Variants in DAB1 observed in about 807,000 individuals in gnomAD.
DAB1 encodes the protein DAB adaptor protein 1.
Under a neutral mutation model 64.6 loss-of-function variants are expected in DAB1, and 15 were observed. The ratio of observed to expected loss-of-function variants is 0.23; its 90% CI spans 0.16 to 0.36. DAB1 has a LOEUF of 0.36. DAB1 is among the 10% of genes least tolerant of loss of function. The probability of loss-of-function intolerance (pLI) is 1.00; values close to 1 mark genes in which losing one functional copy is unlikely to be tolerated. For missense variants in DAB1, 596 were observed against 706.7 expected, an observed-to-expected ratio of 0.84 and a Z score of 1.78; for synonymous variants, 235 against 251.9, an observed-to-expected ratio of 0.93 and a Z score of 0.64.
intron 6 of DAB1, among the ~76,000 whole-genome samples, chr1:57,657,395 A>G (rs757152835): frequency 6.6e-6 from 1 of 152,178 alleles, no homozygotes; most frequent in Non-Finnish European, 1.5e-5. Flanking sequence ...GGAACCAATC[A>G]CAGTACGGAG....
At chr1:57,177,765 G>A (rs1037770764) in intron 2 of DAB1, among the ~76,000 whole-genome samples, 3 of 152,002 alleles carry the variant, frequency 2.0e-5, no homozygotes, top group Non-Finnish European at 2.9e-5. Flanking sequence ...CAAAGTACAG[G>A]CCATTTCTAG....
At chr1:57,790,629 G>T (rs187055046) in intron 6 of DAB1, among the ~76,000 whole-genome samples, 1 of 152,296 alleles carries the variant, frequency 6.6e-6, no homozygotes. Context: ...CAGCACAGAG[G>T]AGGGGCAGGT....
intron 7 of DAB1, among the ~76,000 whole-genome samples, chr1:57,504,381 G>A (rs1238095508): frequency 6.6e-6 from 1 of 151,964 alleles, no homozygotes; most frequent in Non-Finnish European, 1.5e-5. Context: ...ACACACACAT[G>A]CACACACACA....
At chr1:58,049,457 C>T (rs76698335) in intron 5 of DAB1, 6,276 of 277,568 alleles carry the variant, frequency 0.023, 260 homozygotes, top group African/African-American at 0.1. Flanking sequence ...TTCTATGGGG[C>T]CTTCTGCATC....
At chr1:57,361,333 G>T (rs1041377590) in intron 1 of DAB1, among the ~76,000 whole-genome samples, 1 of 151,994 alleles carries the variant, frequency 6.6e-6, no homozygotes, top group Non-Finnish European at 1.5e-5. Flanking sequence ...GCATGGACGT[G>T]GAATCAGATA....
chr1:57,519,184 A>T (rs551796143), intron 7 of DAB1, among the ~76,000 whole-genome samples: 1 of 152,162 alleles, frequency 6.6e-6, no homozygotes, highest in East Asian at 1.9e-4. Flanking sequence ...TTAATGCTGC[A>T]TTTGAATTAA....
At chr1:57,306,469 G>A (rs1674183481) in intron 1 of DAB1, among the ~76,000 whole-genome samples, 1 of 137,810 alleles carries the variant, frequency 7.3e-6, no homozygotes, top group African/African-American at 2.7e-5. Flanking sequence ...AAAATACCCT[G>A]TTTTGCCAAA....
chr1:58,500,230 T>C lies in DAB1; in HGVS notation n.257+5830A>G, dbSNP rs190170610. On this transcript the variant is annotated intron_variant and non_coding_transcript_variant, in intron 3 of 20. Coordinates refer to the DAB1 transcript ENST00000485760. Reference sequence around the variant, plus strand: ...TAGACAATGTTACTGTCAGGCTTCCTGGCTTTATATGATTCAGAAGCCAAT... The same window carrying C: ...TAGACAATGTTACTGTCAGGCTTCCCGGCTTTATATGATTCAGAAGCCAAT... Among the ~76,000 whole-genome samples the C allele has an allele frequency of 1.9e-3, 294 of 152,306 alleles. 1 individual carries two copies. The highest frequency in any genetic ancestry group is 6.1e-3 in the African/African-American group (254 of 41,578).
At chr1:58,296,944 A>C (rs866492640) in intron 4 of DAB1, among the ~76,000 whole-genome samples, 1 of 152,194 alleles carries the variant, frequency 6.6e-6, no homozygotes, top group Non-Finnish European at 1.5e-5. Context: ...TGTTTCAGAT[A>C]CTTCAGACTG....
At chr1:58,490,722 C>T (rs1488489018) in intron 3 of DAB1, among the ~76,000 whole-genome samples, 1 of 149,634 alleles carries the variant, frequency 6.7e-6, no homozygotes, top group Non-Finnish European at 1.5e-5. Flanking sequence ...AAGGGAAGCC[C>T]ATCAGACTAA....
intron 7 of DAB1, among the ~76,000 whole-genome samples, chr1:57,437,531 A>C (rs1006290651): frequency 6.6e-6 from 1 of 152,246 alleles, no homozygotes; most frequent in Non-Finnish European, 1.5e-5. Flanking sequence ...AGACCTGATA[A>C]GTAATTTGAA....
chr1:57,159,487 G>A (rs989096326), intron 2 of DAB1, among the ~76,000 whole-genome samples: 3 of 152,198 alleles, frequency 2.0e-5, no homozygotes, highest in South Asian at 2.1e-4. Context: ...TTGGTAGACT[G>A]TAAGTTTATG....
At chr1:57,906,936 G>A (rs1188831317) in intron 5 of DAB1, among the ~76,000 whole-genome samples, 1 of 121,250 alleles carries the variant, frequency 8.2e-6, no homozygotes, top group Non-Finnish European at 1.7e-5. Flanking sequence ...AATATAATAT[G>A]CAGATAGATA....
At chr1:57,659,995 A>AAATG (rs1448829818) in intron 6 of DAB1, among the ~76,000 whole-genome samples, 1 of 143,592 alleles carries the variant, frequency 7.0e-6, no homozygotes, top group Non-Finnish European at 1.5e-5. Context: ...ATAAATAAAT[A>AAATG]AATAAATAAA....
chr1:57,075,592 G>C (rs541362867), intron 4 of DAB1, among the ~76,000 whole-genome samples: 1 of 152,110 alleles, frequency 6.6e-6, no homozygotes, highest in Admixed American at 6.5e-5. Context: ...TATCACATTC[G>C]CTTTAGAAAC....
chr1:58,188,796 T>C (rs1657230742), intron 4 of DAB1, among the ~76,000 whole-genome samples: 1 of 152,204 alleles, frequency 6.6e-6, no homozygotes, highest in Non-Finnish European at 1.5e-5. Context: ...ACTCACTGAT[T>C]ATGCTTTGTT....
chr1:58,296,185 GAGAAAGAAAGAGAAAGAAAGAA>G (rs1661974776), intron 4 of DAB1, among the ~76,000 whole-genome samples: 15 of 108,144 alleles, frequency 1.4e-4, no homozygotes, highest in African/African-American at 5.0e-4. Flanking sequence ...AAGAAAGAAA[GAGAAAGAAAGAGAAAGAAAGAA>G]AGAAAGAAAG....
At chr1:58,222,151 A>G (rs1659205025) in intron 4 of DAB1, among the ~76,000 whole-genome samples, 1 of 152,202 alleles carries the variant, frequency 6.6e-6, no homozygotes, top group Non-Finnish European at 1.5e-5. Flanking sequence ...TGTGGAACTT[A>G]ACTTTAGGGA....
intron 3 of DAB1, among the ~76,000 whole-genome samples, chr1:58,407,745 C>T (rs371970598): frequency 1.3e-5 from 2 of 152,332 alleles, no homozygotes; most frequent in African/African-American, 2.4e-5. Context: ...CAATATCTTC[C>T]TATCAGACCT....
Sources: gnomAD v4.1 joint callset for allele counts (sites outside exome capture counted in the v4.1 genomes callset) on GRCh38, gnomAD v4.1.1 for gene constraint, MANE v1.5 for transcripts, NCBI Gene and HGNC (gene_info 2026-07-23, HGNC 2026-07-21) for gene names.